Variants in PTCHD4 observed in about 807,000 individuals in gnomAD.
PTCHD4 encodes patched domain containing 4, also known as patched domain-containing protein 4.
PTCHD4 carries 33 observed loss-of-function variants against 58.1 expected under a neutral mutation model. The observed-to-expected ratio is 0.57, with a 90% CI of 0.43 to 0.76. The LOEUF (loss-of-function observed/expected upper bound fraction) is 0.76, where lower values mean the gene tolerates loss of function less well. Among genes scored for constraint, PTCHD4 ranks in the 30% least tolerant of loss-of-function variants. The pLI is 0.00. For missense variants in PTCHD4, 1,058 were observed against 1,027.1 expected (o/e 1.03, Z -0.41); for synonymous variants, 478 against 409.6 (o/e 1.17, Z -2.02).
chr6:47,914,730 CTAT>C (rs763391944), intron 4 of PTCHD4, among the ~76,000 whole-genome samples: 30,059 of 85,094 alleles, frequency 0.35, 3,248 homozygotes, highest in East Asian at 0.48. Context: ...GTCTATCTAT[CTAT>C]TATCTATCTA....
In PTCHD4 at chr6:47,976,896, T is replaced by G. The variant is rs374656976; in HGVS notation, c.898+31738A>C. Among the ~76,000 whole-genome samples the G allele has an allele frequency of 1.1e-3, 172 of 152,220 alleles. 1 individual carries two copies. In the South Asian group the frequency reaches 0.033, roughly 30 times the overall value. On this transcript the variant is annotated intron_variant, in intron 4 of 4. Transcript: ENST00000339488. ...TTCAAGTTATCATCAGTTATTAAGA[T>G]GAAATTTTTAAGGATTGGTGAGGGT... is the stretch of plus-strand genomic sequence containing the variant.
At chr6:47,949,654 C>T (rs193063817) in intron 4 of PTCHD4, among the ~76,000 whole-genome samples, 1 of 152,210 alleles carries the variant, frequency 6.6e-6, no homozygotes, top group African/African-American at 2.4e-5. Context: ...CTGTCTCTCT[C>T]TCTTTTTTTC....
At chr6:47,931,843 T>G (rs978901435) in intron 4 of PTCHD4, among the ~76,000 whole-genome samples, 1 of 151,736 alleles carries the variant, frequency 6.6e-6, no homozygotes, top group Non-Finnish European at 1.5e-5. Flanking sequence ...GTGTCGTGTA[T>G]CCTCCCAAAG....
intron 4 of PTCHD4, among the ~76,000 whole-genome samples, chr6:47,974,033 G>C (rs1020229611): frequency 6.6e-6 from 1 of 152,180 alleles, no homozygotes; most frequent in South Asian, 2.1e-4. Context: ...AGGTGACGAC[G>C]GGCAATACAA....
intron 3 of PTCHD4, among the ~76,000 whole-genome samples, chr6:48,029,570 T>C (rs1468567253): frequency 6.6e-6 from 1 of 152,140 alleles, no homozygotes; most frequent in East Asian, 1.9e-4. Context: ...TCCTTTTCTT[T>C]TAAGTTTCTA....
At chr6:48,048,827 G>A (rs1048747448) in intron 3 of PTCHD4, among the ~76,000 whole-genome samples, 3 of 152,016 alleles carry the variant, frequency 2.0e-5, no homozygotes, top group Non-Finnish European at 4.4e-5. Context: ...AGGTTAGAGA[G>A]TTTTTCCTCA....
intron 1 of PTCHD4, among the ~76,000 whole-genome samples, chr6:48,090,325 A>G (rs1214152457): frequency 2.0e-5 from 3 of 152,206 alleles, no homozygotes; most frequent in Non-Finnish European, 4.4e-5. Flanking sequence ...ATTTGTCTGG[A>G]GGGAACGTCA....
intron 3 of PTCHD4, among the ~76,000 whole-genome samples, chr6:48,052,971 A>C (rs1371330020): frequency 1.3e-5 from 2 of 152,142 alleles, no homozygotes; most frequent in African/African-American, 4.8e-5. Flanking sequence ...GGGCACTTGG[A>C]TGATTATGGC....
At chr6:47,906,982 C>T (rs1321161390) in intron 4 of PTCHD4, among the ~76,000 whole-genome samples, 1 of 152,190 alleles carries the variant, frequency 6.6e-6, no homozygotes, top group Non-Finnish European at 1.5e-5. Context: ...CTCTGACATG[C>T]TTCCTCCCAT....
At chr6:48,064,742 A>G (rs1246023150) in intron 3 of PTCHD4, among the ~76,000 whole-genome samples, 4 of 152,190 alleles carry the variant, frequency 2.6e-5, no homozygotes, top group Non-Finnish European at 5.9e-5. Context: ...AATACTATCT[A>G]CACAGAACTA....
intron 4 of PTCHD4, among the ~76,000 whole-genome samples, chr6:47,894,462 C>T (rs1764470323): frequency 2.0e-5 from 3 of 152,206 alleles, no homozygotes; most frequent in Admixed American, 1.3e-4. Context: ...TAACCTTCAA[C>T]AAGAAACTGC....
chr6:47,984,681 A>G (rs1384834450), intron 4 of PTCHD4, among the ~76,000 whole-genome samples: 1 of 152,114 alleles, frequency 6.6e-6, no homozygotes, highest in Non-Finnish European at 1.5e-5. Flanking sequence ...ATCTAAATAT[A>G]CCCATGGGCA....
chr6:47,996,117 T>C (rs1768476578), intron 4 of PTCHD4, among the ~76,000 whole-genome samples: 1 of 152,218 alleles, frequency 6.6e-6, no homozygotes, highest in African/African-American at 2.4e-5. Flanking sequence ...TTATTCAAAC[T>C]AAATCTTTAC....
At chr6:48,079,703 G>A (rs1315391441) in intron 1 of PTCHD4, among the ~76,000 whole-genome samples, 1 of 151,430 alleles carries the variant, frequency 6.6e-6, no homozygotes, top group Non-Finnish European at 1.5e-5. Flanking sequence ...CCAGTGTTTA[G>A]TCTATTTTAT....
At chr6:48,032,222 A>AAAATTG (rs1258872566) in intron 3 of PTCHD4, among the ~76,000 whole-genome samples, 1 of 152,160 alleles carries the variant, frequency 6.6e-6, no homozygotes, top group African/African-American at 2.4e-5. Context: ...ATCCTTAGAG[A>AAAATTG]TGACCTCACA....
At chr6:47,963,696 A>T (rs1287577779) in intron 4 of PTCHD4, among the ~76,000 whole-genome samples, 1 of 152,214 alleles carries the variant, frequency 6.6e-6, no homozygotes, top group African/African-American at 2.4e-5. Flanking sequence ...ACATGGGTTA[A>T]CCTGGAGAAC....
intron 4 of PTCHD4, among the ~76,000 whole-genome samples, chr6:47,934,324 A>G (rs1187516093): frequency 6.6e-6 from 1 of 152,064 alleles, no homozygotes; most frequent in Non-Finnish European, 1.5e-5. Flanking sequence ...TGTCTTATTC[A>G]CCACTCAAAT....
At chr6:47,975,179 T>C (rs1282387341) in intron 4 of PTCHD4, among the ~76,000 whole-genome samples, 1 of 152,188 alleles carries the variant, frequency 6.6e-6, no homozygotes, top group African/African-American at 2.4e-5. Context: ...CGTGCTTTGT[T>C]CATCATCATA....
chr6:48,037,273 G>T (rs1763673016), intron 3 of PTCHD4, among the ~76,000 whole-genome samples: 2 of 152,060 alleles, frequency 1.3e-5, no homozygotes, highest in Admixed American at 6.6e-5. Flanking sequence ...ATATATTATT[G>T]TGCCTCACAT....
Sources: gnomAD v4.1 joint callset for allele counts (sites outside exome capture counted in the v4.1 genomes callset) on GRCh38, gnomAD v4.1.1 for gene constraint, MANE v1.5 for transcripts, NCBI Gene and HGNC (gene_info 2026-07-23, HGNC 2026-07-21) for gene names.